Variants in DPP10 observed in about 807,000 individuals in gnomAD.
DPP10 encodes dipeptidyl peptidase like 10.
DPP10 carries 33 observed loss-of-function variants against 120.9 expected under a neutral mutation model. That is an observed-to-expected ratio of 0.27 (90% CI 0.21 to 0.37). DPP10 has a LOEUF of 0.37. Among genes scored for constraint, DPP10 ranks in the 10% least tolerant of loss-of-function variants. The pLI, the probability that DPP10 is intolerant of heterozygous loss-of-function variation, is 1.00. For synonymous variants in DPP10, 337 were observed against 326.1 expected, an observed-to-expected ratio of 1.03 and a Z score of -0.36; for missense variants, 816 against 942.8, an observed-to-expected ratio of 0.87 and a Z score of 1.76.
chr2:115,636,371 T>G (rs2086333186), intron 5 of DPP10, among the ~76,000 whole-genome samples: 3 of 152,192 alleles, frequency 2.0e-5, no homozygotes, highest in Admixed American at 2.0e-4. Context: ...AAAGAACATT[T>G]ACGTGACTAT....
chr2:114,653,786 C>T (rs1696783501), intron 1 of DPP10, among the ~76,000 whole-genome samples: 1 of 152,066 alleles, frequency 6.6e-6, no homozygotes, highest in African/African-American at 2.4e-5. Flanking sequence ...GGGTTGCAGC[C>T]AAAGTCTTTA....
intron 5 of DPP10, among the ~76,000 whole-genome samples, chr2:115,676,773 G>C (rs961208048): frequency 2.6e-5 from 4 of 152,162 alleles, no homozygotes; most frequent in African/African-American, 7.2e-5. Flanking sequence ...TAGAAAACCT[G>C]TTTAATGATG....
At position 115,005,648 on chromosome 2, in the gene DPP10, G is replaced by C. The variant is rs533263250; in HGVS notation, c.61-303591G>C. ...GAAGATGAAATGAATGAAATGAAGCGAGAAGGAAAGTTTAGAGAAAAAAGA... is the reference window on the plus strand; with the variant it reads ...GAAGATGAAATGAATGAAATGAAGCCAGAAGGAAAGTTTAGAGAAAAAAGA... On this transcript the variant is annotated intron_variant, in intron 1 of 25. Coordinates refer to ENST00000410059, the MANE Select transcript of DPP10 (RefSeq NM_020868.6). Among the ~76,000 whole-genome samples, 160 of 152,196 alleles carry C rather than the reference G, an allele frequency of 1.1e-3. 1 individual carries two copies. Among genetic ancestry groups the C allele is most frequent in the African/African-American group, 3.7e-3 (153 of 41,544 alleles).
chr2:115,523,069 A>G (rs1176466132), intron 4 of DPP10, among the ~76,000 whole-genome samples: 2 of 152,134 alleles, frequency 1.3e-5, no homozygotes, highest in Non-Finnish European at 2.9e-5. Context: ...GTGTATCATC[A>G]GTAAGTTTCT....
chr2:115,809,891 C>T (rs1232616068), intron 19 of DPP10, among the ~76,000 whole-genome samples: 2 of 152,154 alleles, frequency 1.3e-5, no homozygotes, highest in African/African-American at 4.8e-5. Context: ...TAATGGGGTG[C>T]GGTGGCTCAC....
intron 5 of DPP10, among the ~76,000 whole-genome samples, chr2:115,647,568 G>A (rs2087373043): frequency 6.6e-6 from 1 of 152,072 alleles, no homozygotes; most frequent in African/African-American, 2.4e-5. Flanking sequence ...CAAAGGACTG[G>A]GTAACATGAC....
chr2:114,592,628 A>G (rs1691553575), intron 1 of DPP10, among the ~76,000 whole-genome samples: 1 of 152,202 alleles, frequency 6.6e-6, no homozygotes, highest in Admixed American at 6.5e-5. Context: ...AAAGAAAGGA[A>G]AATAGCAACA....
At chr2:115,130,503 T>G (rs972678758) in intron 1 of DPP10, among the ~76,000 whole-genome samples, 8 of 139,014 alleles carry the variant, frequency 5.8e-5, no homozygotes, top group Non-Finnish European at 1.2e-4. Context: ...CATCCATCTA[T>G]CCATCCATCC....
intron 7 of DPP10, among the ~76,000 whole-genome samples, chr2:115,690,367 A>G (rs1230879880): frequency 2.0e-5 from 3 of 152,184 alleles, no homozygotes; most frequent in African/African-American, 7.2e-5. Context: ...ATTATTACAA[A>G]CTCAAAAAGA....
At chr2:114,642,313 C>T (rs1695771899) in intron 1 of DPP10, among the ~76,000 whole-genome samples, 1 of 151,856 alleles carries the variant, frequency 6.6e-6, no homozygotes, top group Non-Finnish European at 1.5e-5. Flanking sequence ...AACTGAAGAT[C>T]AAAGAGGTTA....
rs576747323 is a variant in DPP10, at chr2:115,223,336, A to G, written c.61-85903A>G. Among the ~76,000 whole-genome samples the G allele has an allele frequency of 6.6e-5, 10 of 152,236 alleles. 1 individual carries two copies. The South Asian group carries it at 2.1e-3, about 32-fold the overall frequency. Reference sequence around the variant, plus strand: ...TGATTAATTTACTATTTTTCTGCCAATGAAAGAGCTAGGATTCATAGGTTT... The same window carrying G: ...TGATTAATTTACTATTTTTCTGCCAGTGAAAGAGCTAGGATTCATAGGTTT... On this transcript the variant is annotated intron_variant, in intron 1 of 25. Coordinates refer to ENST00000410059, the MANE Select transcript of DPP10 (RefSeq NM_020868.6).
chr2:115,074,090 T>C (rs1440326940), intron 1 of DPP10, among the ~76,000 whole-genome samples: 3 of 152,190 alleles, frequency 2.0e-5, no homozygotes, highest in African/African-American at 4.8e-5. Context: ...TAGCTCAGTA[T>C]AACCTTGAAC....
intron 3 of DPP10, among the ~76,000 whole-genome samples, chr2:115,435,851 C>T (rs761016778): frequency 9.9e-5 from 15 of 151,852 alleles, no homozygotes; most frequent in African/African-American, 9.7e-5. Flanking sequence ...CTACAATCCA[C>T]GTTAAGTTGA....
chr2:115,318,353 T>C (rs935735472), intron 2 of DPP10, among the ~76,000 whole-genome samples: 2 of 152,148 alleles, frequency 1.3e-5, no homozygotes, highest in Non-Finnish European at 2.9e-5. Flanking sequence ...GTTTGAAATC[T>C]GGAAGTGTGA....
intron 3 of DPP10, among the ~76,000 whole-genome samples, chr2:115,440,512 C>G (rs948496998): frequency 6.9e-6 from 1 of 144,908 alleles, no homozygotes; most frequent in Non-Finnish European, 1.5e-5. Context: ...TTAGTGAGAA[C>G]GCCACACTAT....
chr2:114,469,241 A>C (rs1318765210), intron 1 of DPP10, among the ~76,000 whole-genome samples: 1 of 152,194 alleles, frequency 6.6e-6, no homozygotes, highest in Non-Finnish European at 1.5e-5. Context: ...CAAATGTAGG[A>C]TGGGTACAGG....
chr2:114,582,558 C>T (rs529266350), intron 1 of DPP10, among the ~76,000 whole-genome samples: 1 of 152,314 alleles, frequency 6.6e-6, no homozygotes, highest in East Asian at 1.9e-4. Flanking sequence ...TTACCATCAC[C>T]AATGGACAAT....
At chr2:114,915,510 A>G (rs1164388656) in intron 1 of DPP10, among the ~76,000 whole-genome samples, 1 of 152,238 alleles carries the variant, frequency 6.6e-6, no homozygotes, top group Non-Finnish European at 1.5e-5. Context: ...ACAGACATCT[A>G]CAGAACAATC....
At chr2:115,113,401 T>C (rs1181071948) in intron 1 of DPP10, among the ~76,000 whole-genome samples, 9 of 143,634 alleles carry the variant, frequency 6.3e-5, no homozygotes, top group Non-Finnish European at 1.3e-4. Context: ...TTATTTTAAA[T>C]ATTTTCATGA....
Sources: allele counts gnomAD v4.1 joint callset (sites outside exome capture counted in the v4.1 genomes callset), GRCh38; gene constraint gnomAD v4.1.1; transcripts MANE v1.5; gene names NCBI Gene and HGNC (gene_info 2026-07-23, HGNC 2026-07-21).